The following SLC26A11 variants were observed in gnomAD, a reference collection of about 807,000 sequenced individuals.
SLC26A11 encodes the protein sodium-independent sulfate anion transporter.
Under a neutral mutation model 62.2 loss-of-function variants are expected in SLC26A11, and 58 were observed. That is an observed-to-expected ratio of 0.93 (90% CI 0.76 to 1.16). SLC26A11 has a LOEUF of 1.16. Among genes scored for constraint, SLC26A11 ranks in the 50% most tolerant of loss-of-function variants. SLC26A11 has a pLI of 0.00. For missense variants in SLC26A11, 790 were observed against 794.3 expected (o/e 0.99, Z 0.06); for synonymous variants, 411 against 368.9 (o/e 1.11, Z -1.31).
chr17:80,248,608 G>A lies in SLC26A11; in HGVS notation c.1456G>A (p.Ala486Thr), dbSNP rs753012932. 2.5e-6 allele frequency: 4 copies of A among 1,589,698 alleles called. No homozygotes were observed. Among genetic ancestry groups the A allele is most frequent in the Admixed American group, 1.8e-5 (1 of 57,108 alleles). Residue 486 changes from alanine to threonine, a missense_variant, in exon 15 of 18, where the codon GCC becomes ACC. Physicochemically the swap from Ala to Thr is moderately conservative, Grantham distance 58. Coordinates refer to ENST00000361193, the MANE Select transcript of SLC26A11 (RefSeq NM_001166347.2). ...GGGGCCGGTTCTGGTCCTGCAGCCG[G>A]CCAGCGGCCTGTCCTTCCCTGCCAT... is the stretch of plus-strand genomic sequence containing the variant. ...SEGPVLVLQP[A>T]SGLSFPAMEA...
chr17:80,245,675 A>T (rs1394051184), intron 11 of SLC26A11, among the ~76,000 whole-genome samples: 1 of 152,204 alleles, frequency 6.6e-6, no homozygotes, highest in Non-Finnish European at 1.5e-5. Flanking sequence ...CTGGTGCCAG[A>T]GTCAATTCCT....
At chr17:80,237,743 T>C in intron 9 of SLC26A11, 149 bp downstream of exon 9, 1 of 736,748 alleles carries the variant, frequency 1.4e-6, no homozygotes, top group South Asian at 1.8e-5. Flanking sequence ...TACATATGTA[T>C]TGTGTATATA....
At chr17:80,249,328 G>A (rs34002850) in intron 16 of SLC26A11, 41 bp downstream of exon 16, 70,561 of 1,600,388 alleles carry the variant, frequency 0.044, 2,922 homozygotes, top group African/African-American at 0.22. Flanking sequence ...AGCAGCTGCC[G>A]GAAGGCCTTC....
chr17:80,235,323 C>T (rs111392274), intron 7 of SLC26A11, among the ~76,000 whole-genome samples: 79 of 151,802 alleles, frequency 5.2e-4, no homozygotes, highest in African/African-American at 1.8e-3. Context: ...ATTCTGTCAT[C>T]TTTAACTATG....
intron 7 of SLC26A11, among the ~76,000 whole-genome samples, chr17:80,229,824 G>A (rs2042513818): frequency 6.6e-6 from 1 of 152,230 alleles, no homozygotes; most frequent in Non-Finnish European, 1.5e-5. Flanking sequence ...TGGAAAGGCA[G>A]GATCTCAGGC....
At chr17:80,242,013 G>T (rs1287340589) in intron 10 of SLC26A11, among the ~76,000 whole-genome samples, 192 bp downstream of exon 10, 1 of 152,254 alleles carries the variant, frequency 6.6e-6, no homozygotes, top group Non-Finnish European at 1.5e-5. Context: ...GTCTCACTCT[G>T]TTGCCCAGGC....
chr17:80,237,260 G>A (rs1196827585), intron 8 of SLC26A11, 157 bp downstream of exon 8: 1 of 985,082 alleles, frequency 1.0e-6, no homozygotes, highest in African/African-American at 1.6e-5. Flanking sequence ...AAGAATCCCA[G>A]GTTGGATGCA....
At position 80,237,289 on chromosome 17, in the gene SLC26A11, A is replaced by G; in HGVS notation, c.912+186A>G. The G allele has an allele frequency of 2.4e-6, 2 of 824,724 alleles. 1 individual carries two copies. 51.1% of individuals were successfully genotyped at this position (824,724 alleles called of 1,614,324 possible). On this transcript the variant is annotated intron_variant, in intron 8 of 17. Transcript: ENST00000361193. ...GGATGCAAACTCAGCGAGCTCAGGG[A>G]TGTCACGTTTGTGTTCAGGGGCGCT...
intron 9 of SLC26A11, among the ~76,000 whole-genome samples, chr17:80,240,457 G>A (rs1025096212): frequency 6.6e-6 from 1 of 152,048 alleles, no homozygotes; most frequent in Non-Finnish European, 1.5e-5. Flanking sequence ...GAGATGGCCC[G>A]TCTTAGACTT....
chr17:80,224,282 T>C (rs28675850), intron 5 of SLC26A11, among the ~76,000 whole-genome samples: 1 of 147,124 alleles, frequency 6.8e-6, no homozygotes, highest in Non-Finnish European at 1.5e-5. Context: ...AGTGAGTGCG[T>C]GTGTGAGTGA....
intron 16 of SLC26A11, among the ~76,000 whole-genome samples, chr17:80,250,787 A>G (rs1300812944): frequency 6.6e-6 from 1 of 151,762 alleles, no homozygotes; most frequent in African/African-American, 2.4e-5. Flanking sequence ...AGATCGCGCC[A>G]TTGCACTCCA....
chr17:80,223,089 G>A lies in SLC26A11; in HGVS notation c.428-163G>A. 2 of 757,352 alleles carry A rather than the reference G, an allele frequency of 2.6e-6. No individual in the cohort carries two copies. The highest frequency in any genetic ancestry group is 4.4e-6 in the Non-Finnish European group (2 of 451,978). 46.9% of individuals were successfully genotyped at this position (757,352 alleles called of 1,614,324 possible). On this transcript the variant is annotated intron_variant, in intron 4 of 17. Coordinates refer to ENST00000361193, the MANE Select transcript of SLC26A11 (RefSeq NM_001166347.2). This position sits in a 1 kb window ranked among gnomAD's most constrained non-coding sequence, Gnocchi z 4.6. The stretch of plus-strand genomic sequence containing the variant: ...CCTCAGACCCCAGTCTCCCTTTTCT[G>A]CTCTCCAAAAACAGCCAAACAGGGT...
At chr17:80,244,541 T>C (rs1598834712) in intron 10 of SLC26A11, among the ~76,000 whole-genome samples, 1 of 152,010 alleles carries the variant, frequency 6.6e-6, no homozygotes, top group Admixed American at 6.6e-5. Flanking sequence ...GGGTGAGAAG[T>C]GTTTGAAAGC....
At chr17:80,244,814 A>G (rs1429018834) in intron 10 of SLC26A11, among the ~76,000 whole-genome samples, 3 of 152,134 alleles carry the variant, frequency 2.0e-5, no homozygotes, top group South Asian at 2.1e-4. Flanking sequence ...TGTCTGTACT[A>G]AAAATACAGA....
Position 80,246,466 on chromosome 17 carries a change from G to A in SLC26A11, c.1154-43G>A, listed in dbSNP as rs533665848. 95 of 1,602,688 alleles carry A rather than the reference G, an allele frequency of 5.9e-5. No individual in the cohort carries two copies. Among genetic ancestry groups the A allele is most frequent in the Non-Finnish European group, 7.7e-5 (91 of 1,179,390 alleles). On this transcript the variant is annotated intron_variant, in intron 12 of 17. Transcript: ENST00000361193. This position sits in a 1 kb window ranked among gnomAD's most constrained non-coding sequence, Gnocchi z 4.4. Reference sequence around the variant, plus strand: ...AGGCTGCTACGCTGCGTGCTGGGGGGACCCTGCACTCCCGAGGTCACCTGT... The same window carrying A: ...AGGCTGCTACGCTGCGTGCTGGGGGAACCCTGCACTCCCGAGGTCACCTGT...
rs372017696 is a variant in SLC26A11, at chr17:80,221,720, G to A, written c.160G>A (p.Ala54Thr). Reference protein sequence around the residue: ...SLQWLKMDFVAGLSVGLTAIP... With the variant: ...SLQWLKMDFVTGLSVGLTAIP... ...GCAGTGGCTGAAGATGGATTTCGTC[G>A]CCGGCCTCTCAGTTGGCCTCACTGC... Residue 54 changes from alanine (A) to threonine (T), a missense_variant, in exon 3 of 18, where the codon GCC (alanine) becomes ACC (threonine). By Grantham distance (58) the Ala-to-Thr change is moderately conservative. Transcript: ENST00000361193. The A allele has an allele frequency of 1.2e-6, 2 of 1,613,620 alleles. No homozygotes were observed. The highest frequency in any genetic ancestry group is 1.3e-5 in the African/African-American group (1 of 75,060).
At chr17:80,231,142 TTTTTTTTTTTTTTTTTCAAAAAAAA>T (rs1206221394) in intron 7 of SLC26A11, among the ~76,000 whole-genome samples, 1 of 382 alleles carries the variant, frequency 2.6e-3, no homozygotes, top group Admixed American at 0.028. Context: ...AACTTTATCC[TTTTTTTTTTTTTTTTTCAAAAAAAA>T]TTTTTTTTTT....
chr17:80,248,060 G>T, intron 13 of SLC26A11, 70 bp from the exon 14 acceptor site: 4 of 1,481,300 alleles, frequency 2.7e-6, no homozygotes, highest in Non-Finnish European at 1.8e-6. Flanking sequence ...AAGCTGTCCC[G>T]CTGGTCAGCA....
chr17:80,224,308 TGAGA>T (rs746099228), intron 5 of SLC26A11, among the ~76,000 whole-genome samples: 4 of 128,934 alleles, frequency 3.1e-5, no homozygotes, highest in South Asian at 2.2e-4. Context: ...CGTGTGTGTG[TGAGA>T]GAGTGTGAGT....
Sources: allele counts gnomAD v4.1 joint callset (sites outside exome capture counted in the v4.1 genomes callset), GRCh38; gene constraint gnomAD v4.1.1; non-coding constraint Gnocchi (gnomAD v3.1); transcripts MANE v1.5; gene names NCBI Gene and HGNC (gene_info 2026-07-23, HGNC 2026-07-21).